The following PHF20 variants were observed in gnomAD, a reference collection of about 807,000 sequenced individuals.
PHF20 encodes the protein PHD finger protein 20.
PHF20 carries 23 observed loss-of-function variants against 113.5 expected under a neutral mutation model. The ratio of observed to expected loss-of-function variants is 0.20; its 90% confidence interval spans 0.15 to 0.29. The LOEUF (loss-of-function observed/expected upper bound fraction) is 0.29. Among genes scored for constraint, PHF20 ranks in the 10% least tolerant of loss-of-function variants. The probability of loss-of-function intolerance (pLI) is 1.00; values close to 1 mark genes in which losing one functional copy is unlikely to be tolerated. For synonymous variants in PHF20, 434 were observed against 457.3 expected, an observed-to-expected ratio of 0.95 and a Z score of 0.65; for missense variants, 943 against 1,219.6, an observed-to-expected ratio of 0.77 and a Z score of 3.38.
intron 2 of PHF20, among the ~76,000 whole-genome samples, chr20:35,837,158 G>A (rs1003109545): frequency 2.0e-4 from 30 of 152,148 alleles, no homozygotes; most frequent in African/African-American, 7.2e-4. Flanking sequence ...GGGTGACACA[G>A]TAAGACCCTG....
chr20:35,772,387 G>A (rs954515425), intron 1 of PHF20, among the ~76,000 whole-genome samples: 1 of 152,100 alleles, frequency 6.6e-6, no homozygotes, highest in African/African-American at 2.4e-5. Context: ...GCGCGGAGCG[G>A]GCCGTGTTGG....
chr20:35,945,465 T>C (rs1311961603), intron 17 of PHF20, among the ~76,000 whole-genome samples: 1 of 152,102 alleles, frequency 6.6e-6, no homozygotes, highest in Non-Finnish European at 1.5e-5. Flanking sequence ...CCCTAAAGAA[T>C]AGCTCACAAG....
chr20:35,884,865 C>G (rs1003400561), intron 9 of PHF20, among the ~76,000 whole-genome samples: 1 of 152,144 alleles, frequency 6.6e-6, no homozygotes, highest in African/African-American at 2.4e-5. Flanking sequence ...GATTCTCACT[C>G]TTTCGCCCAA....
chr20:35,883,251 A>C (rs1264871844), intron 9 of PHF20, among the ~76,000 whole-genome samples: 1 of 152,014 alleles, frequency 6.6e-6, no homozygotes, highest in African/African-American at 2.4e-5. Flanking sequence ...CGTATAATTT[A>C]TTTCATTGTA....
intron 13 of PHF20, among the ~76,000 whole-genome samples, chr20:35,921,041 G>C (rs748428804): frequency 1.3e-5 from 2 of 152,208 alleles, no homozygotes; most frequent in African/African-American, 2.4e-5. Flanking sequence ...TATGCTGTCA[G>C]AATTATGAGT....
intron 16 of PHF20, 37 bp downstream of exon 16, chr20:35,939,145 C>A (rs761300036): frequency 6.6e-7 from 1 of 1,511,462 alleles, no homozygotes; most frequent in Non-Finnish European, 9.0e-7. Flanking sequence ...TCATTCATTG[C>A]GTGAATGCTT....
chr20:35,774,328 C>T (rs958468944), intron 1 of PHF20, among the ~76,000 whole-genome samples: 1 of 152,138 alleles, frequency 6.6e-6, no homozygotes, highest in Non-Finnish European at 1.5e-5. Flanking sequence ...GCCTCCGCCT[C>T]CCAAAGTGCT....
At chr20:35,838,456 G>A (rs754520643) in intron 2 of PHF20, 1 of 151,960 alleles carries the variant, frequency 6.6e-6, no homozygotes, top group Non-Finnish European at 1.5e-5. Flanking sequence ...TGACTGTACT[G>A]GCTCTCTCCC....
rs201184692 is a variant in PHF20, at chr20:35,847,413, G to A, written c.319G>A (p.Val107Ile). ...WSDCRFYPAK[V>I]TAVNKDGTYT... Reference sequence around the variant, plus strand: ...TGATTGTCGTTTTTACCCGGCCAAAGTCACTGCTGTTAACAAGGATGGTAA... The same window carrying A: ...TGATTGTCGTTTTTACCCGGCCAAAATCACTGCTGTTAACAAGGATGGTAA... Residue 107 changes from valine to isoleucine, a missense_variant, in exon 4 of 18, where the codon GTC becomes ATC. By Grantham distance (29) the Val-to-Ile change is conservative. Around this residue, in one of 3 missense-constraint regions of PHF20, gnomAD observed 592 missense variants for 787.2 expected, o/e 0.75. Transcript: ENST00000374012. 6.8e-5 allele frequency: 110 copies of A among 1,610,976 alleles called. 1 individual carries two copies. The highest frequency in any genetic ancestry group is 7.7e-5 in the South Asian group (7 of 90,970).
chr20:35,831,050 C>G (rs2042348615), intron 2 of PHF20, among the ~76,000 whole-genome samples: 1 of 152,084 alleles, frequency 6.6e-6, no homozygotes, highest in South Asian at 2.1e-4. Flanking sequence ...AAAGTTGTCC[C>G]AGCTACTATG....
intron 2 of PHF20, among the ~76,000 whole-genome samples, chr20:35,811,023 G>A (rs2041967942): frequency 6.6e-6 from 1 of 152,004 alleles, no homozygotes; most frequent in Non-Finnish European, 1.5e-5. Flanking sequence ...GAAATGAAAT[G>A]TGTGGGAATT....
chr20:35,871,408 C>T (rs1309703587), intron 8 of PHF20, among the ~76,000 whole-genome samples: 3 of 152,202 alleles, frequency 2.0e-5, no homozygotes, highest in Admixed American at 2.0e-4. Context: ...TCTCTCTCTG[C>T]TGCCATCTCA....
At chr20:35,862,911 T>G (rs2054243170) in intron 5 of PHF20, 102 bp from the exon 6 acceptor site, 1 of 1,185,976 alleles carries the variant, frequency 8.4e-7, no homozygotes, top group Non-Finnish European at 1.2e-6. Context: ...GCGTATGTCT[T>G]GTTTTAATTT....
intron 9 of PHF20, among the ~76,000 whole-genome samples, chr20:35,897,424 C>T (rs1355129714): frequency 3.9e-5 from 6 of 151,978 alleles, no homozygotes; most frequent in Non-Finnish European, 7.4e-5. Context: ...TCACCTTGAG[C>T]ATTTATTTCT....
At chr20:35,924,782 T>G (rs1455096184) in intron 13 of PHF20, among the ~76,000 whole-genome samples, 1 of 151,558 alleles carries the variant, frequency 6.6e-6, no homozygotes, top group Non-Finnish European at 1.5e-5. Flanking sequence ...TTAGTAGAGA[T>G]GAGGTCTCAC....
At chr20:35,925,697 A>AT (rs373749838) in intron 13 of PHF20, among the ~76,000 whole-genome samples, 12,399 of 140,480 alleles carry the variant, frequency 0.088, 678 homozygotes, top group Non-Finnish European at 0.13. Flanking sequence ...TAGTATTTAC[A>AT]TTTTTTTTTT....
intron 9 of PHF20, among the ~76,000 whole-genome samples, chr20:35,874,288 C>G (rs1408335635): frequency 6.6e-6 from 1 of 152,016 alleles, no homozygotes; most frequent in Non-Finnish European, 1.5e-5. Flanking sequence ...CTATAAATTT[C>G]ATAATGTAGT....
At chr20:35,828,759 A>C (rs1207533421) in intron 2 of PHF20, among the ~76,000 whole-genome samples, 1 of 152,174 alleles carries the variant, frequency 6.6e-6, no homozygotes. Flanking sequence ...CTTATCTTGT[A>C]GCTTAGAGCA....
chr20:35,860,781 T>A (rs951368162), intron 5 of PHF20, among the ~76,000 whole-genome samples: 5 of 152,142 alleles, frequency 3.3e-5, no homozygotes, highest in African/African-American at 1.2e-4. Context: ...CGAGTTAATA[T>A]AGAGGACAGA....
Sources: gnomAD v4.1 joint callset for allele counts (sites outside exome capture counted in the v4.1 genomes callset) on GRCh38, gnomAD v4.1.1 for gene constraint, gnomAD v4.1.1 regional missense constraint, MANE v1.5 for transcripts, NCBI Gene and HGNC (gene_info 2026-07-23, HGNC 2026-07-21) for gene names.